PARP11: variants seen among roughly 807,000 people sequenced by gnomAD.
PARP11 encodes the protein poly(ADP-ribose) polymerase family member 11, also known as protein mono-ADP-ribosyltransferase PARP11.
PARP11 carries 31 observed loss-of-function variants against 42.9 expected under a neutral mutation model. That is an observed-to-expected ratio of 0.72 (90% CI 0.54 to 0.98). The LOEUF (loss-of-function observed/expected upper bound fraction) is 0.98, where lower values mean the gene tolerates loss of function less well. Ranked by LOEUF, PARP11 falls within the 50% of genes least tolerant of loss-of-function variation. The pLI, the probability that PARP11 is intolerant of heterozygous loss-of-function variation, is 0.00. For synonymous variants in PARP11, 137 were observed against 127.3 expected, an observed-to-expected ratio of 1.08 and a Z score of -0.51; for missense variants, 365 against 413.1, an observed-to-expected ratio of 0.88 and a Z score of 1.01.
chr12:3,873,188 G>T, intron 1 of PARP11, 24 bp downstream of exon 1: 1 of 720,772 alleles, frequency 1.4e-6, no homozygotes, highest in Non-Finnish European at 2.2e-6. Flanking sequence ...CCCTGGGCCC[G>T]CCCCGTCCCG....
At chr12:3,871,103 T>A (rs753061573) in intron 1 of PARP11, among the ~76,000 whole-genome samples, 26 of 152,184 alleles carry the variant, frequency 1.7e-4, no homozygotes, top group Non-Finnish European at 3.7e-4. Flanking sequence ...TTCTACTGGA[T>A]AAAAACTTAA....
In PARP11 at chr12:3,823,399, CTGT is replaced by C. The variant is rs535202933; in HGVS notation, c.345-1245_345-1243del. Among the ~76,000 whole-genome samples the C allele has an allele frequency of 3.5e-4, 54 of 152,212 alleles. No individual in the cohort carries two copies. In the South Asian group the frequency reaches 0.011, roughly 30 times the overall value. On this transcript the variant is annotated intron_variant, in intron 4 of 7. Transcript: ENST00000228820. ...AGCATAAAGCATACATTTATTGCACCTGTTTTTTTGGTTTTTACTTCATAGCTT... is the reference window on the plus strand; with the variant it reads ...AGCATAAAGCATACATTTATTGCACCTTTTTTGGTTTTTACTTCATAGCTT...
chr12:3,812,252 T>A lies in PARP11; in HGVS notation c.888A>T (p.Arg296=). ...CATAGCTCCCGTCTTTGGAAGGAGG[T>A]CGCATGTATTTGGAGTCTCCGTTTA... is the stretch of plus-strand genomic sequence containing the variant. ...DYINGDSKYM[R]PPSKDGSYVN... The change falls in exon 8 of 8, where the codon CGA becomes CGT. Residue 296 remains arginine (R), a synonymous_variant. Transcript: ENST00000228820. The A allele has an allele frequency of 6.2e-7, 1 of 1,613,986 alleles. No homozygotes were observed. Among genetic ancestry groups the A allele is most frequent in the Non-Finnish European group, 8.5e-7 (1 of 1,179,960 alleles).
chr12:3,855,237 C>T (rs1191886067), intron 1 of PARP11, among the ~76,000 whole-genome samples: 3 of 152,300 alleles, frequency 2.0e-5, no homozygotes, highest in Middle Eastern at 3.4e-3. Flanking sequence ...CAGGGATGCC[C>T]TCTCTCACCA....
rs778896131 is a variant in PARP11 at position 3,821,911 on chromosome 12, C to T, written c.510G>A (p.Gln170=). Residue 170 remains glutamine, a synonymous_variant, in exon 6 of 8, where the codon CAG becomes CAA. Transcript: ENST00000228820. ...CCCACAAATCTAGGTTTTGAATTCTCTGAATTCTTTTAATTCGGTTGCGAT... is the reference window on the plus strand; with the variant it reads ...CCCACAAATCTAGGTTTTGAATTCTTTGAATTCTTTTAATTCGGTTGCGAT... The part of the protein sequence containing the change: ...TMDRNRIKRI[Q]RIQNLDLWEF... 6 of 1,608,768 alleles carry T rather than the reference C, an allele frequency of 3.7e-6. No individual in the cohort carries two copies. The South Asian group carries it at 6.7e-5, about 18-fold the overall frequency.
chr12:3,839,136 G>A (rs1947831647), intron 1 of PARP11, among the ~76,000 whole-genome samples: 1 of 150,380 alleles, frequency 6.6e-6, no homozygotes, highest in South Asian at 2.1e-4. Context: ...CCCGGAGAGC[G>A]CGGACCGCTG....
At chr12:3,855,528 G>C (rs2138103420) in intron 1 of PARP11, among the ~76,000 whole-genome samples, 1 of 152,270 alleles carries the variant, frequency 6.6e-6, no homozygotes, top group Admixed American at 6.5e-5. Context: ...ATTCACAATT[G>C]CTACAAAGAG....
At chr12:3,816,918 G>A (rs550715153) in intron 6 of PARP11, among the ~76,000 whole-genome samples, 1 of 152,264 alleles carries the variant, frequency 6.6e-6, no homozygotes, top group South Asian at 2.1e-4. Flanking sequence ...AAGGCCAGGC[G>A]CAGAGGCTCA....
chr12:3,813,676 C>CA (rs1947227214), intron 7 of PARP11, among the ~76,000 whole-genome samples: 1 of 152,188 alleles, frequency 6.6e-6, no homozygotes, highest in African/African-American at 2.4e-5. Flanking sequence ...AAGCAAGGTA[C>CA]AAAGTAAGGA....
Position 3,852,487 on chromosome 12 carries a change from G to A in PARP11, c.18+20725C>T, listed in dbSNP as rs555231548. Among the ~76,000 whole-genome samples, 9 of 152,268 alleles carry A rather than the reference G, an allele frequency of 5.9e-5. 1 individual carries two copies. In the South Asian group the frequency reaches 1.0e-3, roughly 18 times the overall value. ...AACCATGGCACAAGAACTATGTGAC[G>A]CATGCACAAGCTTCAGTAGCTGATT... On this transcript the variant is annotated intron_variant, in intron 1 of 7. Transcript: ENST00000228820.
chr12:3,839,965 G>A (rs534461217), intron 1 of PARP11: 2 of 1,363,934 alleles, frequency 1.5e-6, no homozygotes, highest in Admixed American at 1.7e-5. Context: ...TGATGTGAAT[G>A]GATTTAAACC....
chr12:3,843,363 G>C (rs1947932643), intron 1 of PARP11, among the ~76,000 whole-genome samples: 1 of 152,168 alleles, frequency 6.6e-6, no homozygotes, highest in Non-Finnish European at 1.5e-5. Context: ...TTTTCTAAAT[G>C]CCACTTTAAC....
chr12:3,872,034 G>A (rs1001162648), intron 1 of PARP11: 1 of 152,140 alleles, frequency 6.6e-6, no homozygotes, highest in African/African-American at 2.4e-5. Flanking sequence ...CCCTGCCATT[G>A]TCTATAGGAA....
At chr12:3,824,802 G>C (rs897186056) in intron 4 of PARP11, 1 of 158,462 alleles carries the variant, frequency 6.3e-6, no homozygotes, top group Non-Finnish European at 1.4e-5. Flanking sequence ...TTTTCTCCCA[G>C]ATTAAATACT....
At position 3,840,030 on chromosome 12, in the gene PARP11, G is replaced by C. The variant is rs917229789; in HGVS notation, c.19-10012C>G. 7.5e-6 allele frequency: 12 copies of C among 1,607,428 alleles called. No individual in the cohort carries two copies. The highest frequency in any genetic ancestry group is 1.3e-5 in the African/African-American group (1 of 74,816). On this transcript the variant is annotated intron_variant, in intron 1 of 7. Transcript: ENST00000228820. The surrounding 1 kb of genome is among the most constrained non-coding windows in gnomAD (Gnocchi z 4.4). ...ATGGGAACTCTACTAGCCTGCCTTT[G>C]GCTAGAAAGGTTCTTAAGTCACTCA...
At chr12:3,859,166 CA>C (rs1948250945) in intron 1 of PARP11, among the ~76,000 whole-genome samples, 1 of 150,344 alleles carries the variant, frequency 6.7e-6, no homozygotes, top group African/African-American at 2.4e-5. Flanking sequence ...ATATATGAAA[CA>C]AATAAATTCA....
chr12:3,842,002 C>G, intron 1 of PARP11: 3 of 1,610,798 alleles, frequency 1.9e-6, no homozygotes, highest in South Asian at 1.1e-5. Flanking sequence ...TTCCCAGACA[C>G]GAAAGGCAGA....
intron 1 of PARP11, among the ~76,000 whole-genome samples, chr12:3,857,903 A>G (rs1015078513): frequency 6.6e-6 from 1 of 152,234 alleles, no homozygotes; most frequent in Admixed American, 6.5e-5. Flanking sequence ...GGGTAAATAT[A>G]AAAATATATT....
chr12:3,809,054 G>C lies in PARP11; in HGVS notation c.*3069C>G, dbSNP rs746830260. On this transcript the variant is annotated 3_prime_UTR_variant, in exon 8 of 8. Transcript: ENST00000228820. ...TTACCCTGAGGCTGATATCACCAAGGTGAAAAAGAAAAGTCATTATCAGCT... is the reference window on the plus strand; with the variant it reads ...TTACCCTGAGGCTGATATCACCAAGCTGAAAAAGAAAAGTCATTATCAGCT... 6.6e-6 allele frequency: 1 copy of C among 151,028 alleles called. No individual in the cohort carries two copies. Among genetic ancestry groups the C allele is most frequent in the Non-Finnish European group, 1.5e-5 (1 of 67,800 alleles). 9.4% of individuals were successfully genotyped at this position (151,028 alleles called of 1,614,324 possible).
Sources: allele counts gnomAD v4.1 joint callset (sites outside exome capture counted in the v4.1 genomes callset), GRCh38; gene constraint gnomAD v4.1.1; non-coding constraint Gnocchi (gnomAD v3.1); transcripts MANE v1.5; gene names NCBI Gene and HGNC (gene_info 2026-07-23, HGNC 2026-07-21).